The following SNX3 variants were observed in gnomAD, a reference collection of about 807,000 sequenced individuals.
SNX3 encodes sorting nexin 3, also known as sorting nexin-3.
A neutral mutation model predicts 17.7 loss-of-function variants in SNX3; 5 were observed. The observed-to-expected ratio is 0.28, with a 90% CI of 0.15 to 0.59. The LOEUF (loss-of-function observed/expected upper bound fraction) is 0.59, where lower values mean the gene tolerates loss of function less well. Ranked by LOEUF, SNX3 falls within the 20% of genes least tolerant of loss-of-function variation. The pLI is 0.88. For missense variants in SNX3, 132 were observed against 206.8 expected (o/e 0.64, Z 2.22); for synonymous variants, 91 against 76.5 (o/e 1.19, Z -0.99).
At chr6:108,245,811 T>C (rs1352111374) in intron 1 of SNX3, among the ~76,000 whole-genome samples, 1 of 152,230 alleles carries the variant, frequency 6.6e-6, no homozygotes, top group Non-Finnish European at 1.5e-5. Context: ...TTTTTTCTTA[T>C]AAATTTAAGT....
At chr6:108,221,959 G>A (rs1224473293) in intron 2 of SNX3, among the ~76,000 whole-genome samples, 1 of 151,972 alleles carries the variant, frequency 6.6e-6, no homozygotes. Flanking sequence ...GCCTCACTAT[G>A]TTCCCCAGGC....
In SNX3 at chr6:108,255,260, T is replaced by C. The variant is rs1338474511; in HGVS notation, c.162+5500A>G. Among the ~76,000 whole-genome samples, 10 of 152,314 alleles carry C rather than the reference T, an allele frequency of 6.6e-5. No individual in the cohort carries two copies. The South Asian group carries it at 1.7e-3, about 25-fold the overall frequency. ...GTCAGCCGTAGCTGGCAGCAACATG[T>C]GTAACAGACAACATCTCATTGGCCA... is the stretch of plus-strand genomic sequence containing the variant. On this transcript the variant is annotated intron_variant, in intron 1 of 3. Transcript: ENST00000230085.
intron 2 of SNX3, 34 bp from the exon 3 acceptor site, chr6:108,214,656 A>G (rs1015554047): frequency 5.0e-6 from 8 of 1,593,238 alleles, no homozygotes; most frequent in South Asian, 4.6e-5. Context: ...CTTGATCATG[A>G]TGACTGGGTT....
At chr6:108,240,708 A>T (rs1775489307) in intron 1 of SNX3, among the ~76,000 whole-genome samples, 2 of 152,214 alleles carry the variant, frequency 1.3e-5, no homozygotes, top group South Asian at 4.1e-4. Flanking sequence ...CAACATTGGC[A>T]GCAAACAGTG....
chr6:108,241,125 T>TC (rs1469737316), intron 1 of SNX3, among the ~76,000 whole-genome samples: 1 of 113,832 alleles, frequency 8.8e-6, no homozygotes, highest in African/African-American at 3.5e-5. Context: ...GCCTGAGCGA[T>TC]AGAGCAAGAC....
intron 1 of SNX3, among the ~76,000 whole-genome samples, chr6:108,243,563 C>T (rs1161363509): frequency 6.6e-6 from 1 of 152,004 alleles, no homozygotes; most frequent in Non-Finnish European, 1.5e-5. Flanking sequence ...CTGATGGGAA[C>T]CTTAGAAAAA....
chr6:108,224,978 T>G (rs979624755), intron 1 of SNX3, among the ~76,000 whole-genome samples: 1 of 152,186 alleles, frequency 6.6e-6, no homozygotes, highest in Non-Finnish European at 1.5e-5. Flanking sequence ...TTTTACTGGA[T>G]CCCCTTTAAA....
At chr6:108,252,398 A>G (rs1361924662) in intron 1 of SNX3, 3 of 153,256 alleles carry the variant, frequency 2.0e-5, no homozygotes, top group Non-Finnish European at 4.4e-5. Context: ...AAATCCGGCA[A>G]AAGTCTATGG....
intron 2 of SNX3, 40 bp downstream of exon 2, chr6:108,222,910 G>A (rs143906421): frequency 1.8e-6 from 2 of 1,130,492 alleles, no homozygotes; most frequent in Non-Finnish European, 2.7e-6. Flanking sequence ...TTAAAACTTG[G>A]AATGTTTTGC....
At chr6:108,249,154 G>A (rs1486052564) in intron 1 of SNX3, among the ~76,000 whole-genome samples, 2 of 152,178 alleles carry the variant, frequency 1.3e-5, no homozygotes, top group Non-Finnish European at 2.9e-5. Flanking sequence ...GAGCTCACGA[G>A]CTCAAGACCA....
chr6:108,230,273 C>T (rs1411897146), intron 1 of SNX3, among the ~76,000 whole-genome samples: 1 of 151,924 alleles, frequency 6.6e-6, no homozygotes, highest in African/African-American at 2.4e-5. Context: ...TTCATATTTT[C>T]CCCCTAATTT....
intron 2 of SNX3, among the ~76,000 whole-genome samples, chr6:108,214,898 C>T (rs1344979792): frequency 2.0e-5 from 3 of 152,224 alleles, no homozygotes; most frequent in Non-Finnish European, 4.4e-5. Context: ...AAAGAGAACA[C>T]TCACAACACT....
At chr6:108,217,743 C>T (rs1001214075) in intron 2 of SNX3, among the ~76,000 whole-genome samples, 9 of 144,040 alleles carry the variant, frequency 6.2e-5, no homozygotes, top group Admixed American at 7.0e-5. Flanking sequence ...AGCTAGACAC[C>T]GTCTCAAAAA....
intron 1 of SNX3, among the ~76,000 whole-genome samples, chr6:108,224,477 T>G (rs1774916730): frequency 6.6e-6 from 1 of 152,074 alleles, no homozygotes; most frequent in Admixed American, 6.6e-5. Context: ...AGAGGGGGTT[T>G]CACCGTGTTA....
intron 1 of SNX3, among the ~76,000 whole-genome samples, chr6:108,238,936 T>A (rs1775436297): frequency 6.6e-6 from 1 of 151,304 alleles, no homozygotes; most frequent in Admixed American, 6.6e-5. Context: ...GAGTCTCACA[T>A]GGTCACCCAG....
intron 1 of SNX3, among the ~76,000 whole-genome samples, chr6:108,243,848 G>A (rs528855575): frequency 6.6e-6 from 1 of 152,162 alleles, no homozygotes; most frequent in African/African-American, 2.4e-5. Context: ...CACAAGAATC[G>A]CATGAACCTG....
chr6:108,222,365 T>C, intron 2 of SNX3: 1 of 1,300,268 alleles, frequency 7.7e-7, no homozygotes, highest in South Asian at 1.2e-5. Flanking sequence ...TAATTTATTT[T>C]GATGCCAAAG....
intron 1 of SNX3, among the ~76,000 whole-genome samples, chr6:108,248,987 C>A (rs1003343684): frequency 1.3e-5 from 2 of 152,094 alleles, no homozygotes; most frequent in Admixed American, 1.3e-4. Flanking sequence ...TCAACCAATA[C>A]CAACTTAAAT....
chr6:108,212,882 CTTTTTTTTTTTTT>C (rs776376957), intron 3 of SNX3, among the ~76,000 whole-genome samples: 2 of 118,956 alleles, frequency 1.7e-5, no homozygotes, highest in Admixed American at 9.0e-5. Context: ...TCCTAAGAAT[CTTTTTTTTTTTTT>C]TTTTTTTTTG....
Sources: gnomAD v4.1 joint callset for allele counts (sites outside exome capture counted in the v4.1 genomes callset) on GRCh38, gnomAD v4.1.1 for gene constraint, MANE v1.5 for transcripts, NCBI Gene and HGNC (gene_info 2026-07-23, HGNC 2026-07-21) for gene names.